ESR1: variants seen among roughly 807,000 people sequenced by gnomAD.
ESR1 encodes the protein estrogen receptor.
In ESR1, 12 loss-of-function variants were observed where a neutral mutation model predicts 52.7. The observed-to-expected ratio is 0.23, with a 90% CI of 0.15 to 0.37. ESR1 has a LOEUF of 0.37. Among genes scored for constraint, ESR1 ranks in the 10% least tolerant of loss-of-function variants. ESR1 has a pLI of 1.00. For missense variants in ESR1, 584 were observed against 779.7 expected (o/e 0.75, Z 2.99); for synonymous variants, 305 against 316.8 (o/e 0.96, Z 0.39).
intron 1 of ESR1, among the ~76,000 whole-genome samples, chr6:151,823,117 TTTG>T (rs1427236052): frequency 2.6e-5 from 4 of 152,212 alleles, no homozygotes; most frequent in African/African-American, 9.6e-5. Flanking sequence ...TAAAATATTA[TTTG>T]TTGTTTATCT....
At chr6:151,986,303 T>C (rs1271501066) in intron 4 of ESR1, among the ~76,000 whole-genome samples, 1 of 152,140 alleles carries the variant, frequency 6.6e-6, no homozygotes, top group East Asian at 1.9e-4. Context: ...CAAAAATTTG[T>C]GATGAGCAAA....
rs141827690 is a variant in ESR1, at chr6:151,811,361, A to G, written c.452+2997A>G. 38 of 152,326 alleles carry G rather than the reference A, an allele frequency of 2.5e-4. 1 individual carries two copies. Among genetic ancestry groups the G allele is most frequent in the Admixed American group, 2.1e-3 (32 of 15,304 alleles). 9.4% of individuals were successfully genotyped at this position (152,326 alleles called of 1,614,324 possible). On this transcript the variant is annotated intron_variant, in intron 1 of 7. Transcript: ENST00000206249. ...TTCAAACAACTTAGGAACTTTGAAT[A>G]AAACTAAAGATGAAGCTTAACTATA...
rs180702169 is a variant in ESR1, at chr6:151,782,682, A to G, written c.-70-25161A>G. Among the ~76,000 whole-genome samples, 29 of 152,334 alleles carry G rather than the reference A, an allele frequency of 1.9e-4. No homozygotes were observed. The East Asian group carries it at 5.6e-3, about 29-fold the overall frequency. Reference sequence around the variant, plus strand: ...TTCCTCATTATTCTGGCTGCCTTCTATAAATCAAGCTACCCTGGTATTATG... The same window carrying G: ...TTCCTCATTATTCTGGCTGCCTTCTGTAAATCAAGCTACCCTGGTATTATG... On this transcript the variant is annotated intron_variant, in intron 2 of 2. Transcript: ENST00000404742.
At chr6:151,939,318 T>G (rs2034757056) in intron 3 of ESR1, among the ~76,000 whole-genome samples, 1 of 152,200 alleles carries the variant, frequency 6.6e-6, no homozygotes, top group African/African-American at 2.4e-5. Flanking sequence ...CCCCTGAGAG[T>G]TAACAAAAGT....
chr6:151,867,824 C>T (rs946888371), intron 2 of ESR1, among the ~76,000 whole-genome samples: 1 of 152,176 alleles, frequency 6.6e-6, no homozygotes, highest in African/African-American at 2.4e-5. Context: ...CTGAGGTGGA[C>T]TTAAACCAAT....
chr6:151,881,222 T>C (rs1264191070), intron 3 of ESR1, among the ~76,000 whole-genome samples: 2 of 152,190 alleles, frequency 1.3e-5, no homozygotes, highest in Non-Finnish European at 2.9e-5. Flanking sequence ...TATCATCCCT[T>C]AAGGAATGTG....
At chr6:151,678,209 A>G (rs569163254) in intron 1 of ESR1, among the ~76,000 whole-genome samples, 134 of 152,338 alleles carry the variant, frequency 8.8e-4, no homozygotes, top group Non-Finnish European at 1.6e-3. Flanking sequence ...ACAGTGGCTC[A>G]TGCCTATAAT....
intron 4 of ESR1, among the ~76,000 whole-genome samples, chr6:151,961,391 C>G (rs191132291): frequency 6.6e-6 from 1 of 152,084 alleles, no homozygotes; most frequent in Admixed American, 6.6e-5. Flanking sequence ...TGATAATTTT[C>G]CATCTTGTCA....
chr6:151,887,192 A>T (rs1001165121), intron 3 of ESR1, among the ~76,000 whole-genome samples: 13 of 152,092 alleles, frequency 8.5e-5, no homozygotes, highest in African/African-American at 2.7e-4. Flanking sequence ...AGTTTCCTCA[A>T]AAGGTAGGTT....
intron 6 of ESR1, among the ~76,000 whole-genome samples, chr6:152,114,989 T>C (rs907221428): frequency 6.6e-6 from 1 of 151,542 alleles, no homozygotes; most frequent in African/African-American, 2.4e-5. Flanking sequence ...ATTATTCTTA[T>C]AGCAACTTGG....
intron 6 of ESR1, among the ~76,000 whole-genome samples, chr6:152,085,784 CA>C (rs2049662956): frequency 6.6e-6 from 1 of 152,136 alleles, no homozygotes; most frequent in Admixed American, 6.5e-5. Context: ...CTGTTGATTA[CA>C]AGTGAGTCAT....
intron 2 of ESR1, among the ~76,000 whole-genome samples, chr6:151,771,373 T>C (rs1206709936): frequency 6.6e-6 from 1 of 152,212 alleles, no homozygotes; most frequent in Non-Finnish European, 1.5e-5. Flanking sequence ...CTGGAAATAC[T>C]CTTCAGTCTG....
chr6:151,657,696 G>T (rs929949958), intron 1 of ESR1, among the ~76,000 whole-genome samples: 9 of 152,098 alleles, frequency 5.9e-5, no homozygotes, highest in Non-Finnish European at 8.8e-5. Flanking sequence ...GGCCCCAGAA[G>T]GAATTAGCGT....
intron 2 of ESR1, among the ~76,000 whole-genome samples, chr6:151,866,308 A>G (rs1381178984): frequency 6.6e-6 from 1 of 151,786 alleles, no homozygotes; most frequent in African/African-American, 2.4e-5. Flanking sequence ...TTGTTATTTA[A>G]GCTAAGAAAG....
At chr6:151,806,749 G>A (rs535083816), upstream of ESR1, among the ~76,000 whole-genome samples, 8 of 152,026 alleles carry the variant, frequency 5.3e-5, no homozygotes, top group African/African-American at 1.9e-4. Context: ...AGCTGGACCA[G>A]ACCGACAATG....
At chr6:151,787,187 G>A (rs1320137379) in intron 2 of ESR1, among the ~76,000 whole-genome samples, 1 of 152,142 alleles carries the variant, frequency 6.6e-6, no homozygotes, top group Non-Finnish European at 1.5e-5. Context: ...TCTCTATTCT[G>A]TTCCATCAGT....
chr6:151,939,362 A>G lies in ESR1; in HGVS notation c.761-4811A>G, dbSNP rs143276111. Among the ~76,000 whole-genome samples the G allele has an allele frequency of 3.3e-3, 500 of 152,306 alleles. 3 individuals carry two copies. The highest frequency in any genetic ancestry group is 6.8e-3 in the Middle Eastern group (2 of 294). On this transcript the variant is annotated intron_variant, in intron 3 of 7. Transcript: ENST00000206249. ...TGGGGGGTGAACTTAAGTAAAATCC[A>G]TATCACTCTATGTTGCTGCTCTACT...
At chr6:151,931,276 AT>A (rs2033560911) in intron 3 of ESR1, among the ~76,000 whole-genome samples, 1 of 151,532 alleles carries the variant, frequency 6.6e-6, no homozygotes, top group Non-Finnish European at 1.5e-5. Flanking sequence ...CTCACTGATT[AT>A]TTCCTTGGCC....
chr6:151,964,888 C>T (rs1315588769), intron 4 of ESR1, among the ~76,000 whole-genome samples: 2 of 152,158 alleles, frequency 1.3e-5, no homozygotes, highest in Admixed American at 6.5e-5. Flanking sequence ...GTGATCCACC[C>T]GCCTCAGCCT....
Sources: gnomAD v4.1 joint callset for allele counts (sites outside exome capture counted in the v4.1 genomes callset) on GRCh38, gnomAD v4.1.1 for gene constraint, MANE v1.5 for transcripts, NCBI Gene and HGNC (gene_info 2026-07-23, HGNC 2026-07-21) for gene names.